The following ENTPD6 variants were observed in gnomAD, a reference collection of about 807,000 sequenced individuals.
The protein encoded by ENTPD6 is ectonucleoside triphosphate diphosphohydrolase 6, also known as CD39 antigen-like 2.
ENTPD6 carries 46 observed loss-of-function variants against 61.5 expected under a neutral mutation model. That is an observed-to-expected ratio of 0.75 (90% confidence interval 0.59 to 0.96). The LOEUF is 0.96. ENTPD6 is among the 40% of genes least tolerant of loss of function. The pLI is 0.00. For synonymous variants in ENTPD6, 252 were observed against 255.5 expected, an observed-to-expected ratio of 0.99 and a Z score of 0.13; for missense variants, 612 against 629.0, an observed-to-expected ratio of 0.97 and a Z score of 0.29.
At chr20:25,216,072 C>G (rs2092299481) in intron 7 of ENTPD6, among the ~76,000 whole-genome samples, 1 of 152,178 alleles carries the variant, frequency 6.6e-6, no homozygotes, top group African/African-American at 2.4e-5. Context: ...TGCTATTCAC[C>G]TTCTAATTGG....
chr20:25,218,184 T>C (rs1247865265), intron 9 of ENTPD6, among the ~76,000 whole-genome samples: 4 of 152,158 alleles, frequency 2.6e-5, no homozygotes, highest in Non-Finnish European at 5.9e-5. Flanking sequence ...TTGGAGAAGG[T>C]TTGAGAAGTG....
At chr20:25,221,822 C>T (rs933049209) in intron 11 of ENTPD6, 17 of 247,394 alleles carry the variant, frequency 6.9e-5, no homozygotes, top group Non-Finnish European at 1.6e-5. Flanking sequence ...ACTGGGCACT[C>T]GGCATGAGGG....
intron 1 of ENTPD6, among the ~76,000 whole-genome samples, chr20:25,201,436 G>A (rs2091023816): frequency 6.6e-6 from 1 of 152,008 alleles, no homozygotes; most frequent in African/African-American, 2.4e-5. Flanking sequence ...TATATTTAGG[G>A]GTTTTGATGT....
At chr20:25,213,911 C>G (rs2092147102) in intron 5 of ENTPD6, among the ~76,000 whole-genome samples, 1 of 152,212 alleles carries the variant, frequency 6.6e-6, no homozygotes, top group African/African-American at 2.4e-5. Flanking sequence ...GATTATGCCA[C>G]TGAACTCTAG....
chr20:25,196,105 G>A (rs1468685529), intron 1 of ENTPD6: 2 of 1,136,730 alleles, frequency 1.8e-6, no homozygotes, highest in African/African-American at 3.2e-5. Flanking sequence ...CAAATAGCAG[G>A]GGCCTGTAGC....
intron 3 of ENTPD6, among the ~76,000 whole-genome samples, chr20:25,208,957 C>T (rs1395099256): frequency 6.6e-6 from 1 of 151,928 alleles, no homozygotes; most frequent in African/African-American, 2.4e-5. Flanking sequence ...CGCTCTGCTG[C>T]CCAGGCTGGA....
intron 1 of ENTPD6, among the ~76,000 whole-genome samples, chr20:25,197,636 G>T (rs1396267237): frequency 6.6e-6 from 1 of 152,224 alleles, no homozygotes; most frequent in Admixed American, 6.5e-5. Flanking sequence ...TTGCTGTTTA[G>T]ATCTGGGACA....
At chr20:25,199,308 CCTT>C (rs2090829274) in intron 1 of ENTPD6, among the ~76,000 whole-genome samples, 2 of 152,184 alleles carry the variant, frequency 1.3e-5, no homozygotes, top group African/African-American at 4.8e-5. Flanking sequence ...TGATCTGTCT[CCTT>C]CGTTGAGAGA....
intron 9 of ENTPD6, 105 bp downstream of exon 9, chr20:25,217,686 C>T: frequency 1.0e-6 from 1 of 996,106 alleles, no homozygotes; most frequent in Non-Finnish European, 1.6e-6. Context: ...TCTGGGAATC[C>T]CTGTGCTGGG....
chr20:25,207,370 G>C lies in ENTPD6; in HGVS notation c.349G>C (p.Val117Leu). ...DAGSTGTRVH[V>L]FQFTRPPRET... is the part of the protein sequence containing the mutation. ...AGGAAGCACTGGCACCCGAGTACAC[G>C]TCTTCCAGTTCACCCGGCCCCCCAG... Residue 117 changes from valine to leucine, a missense_variant, in exon 3 of 15, where the codon GTC becomes CTC. Val to Leu is a conservative substitution (Grantham distance 32). Coordinates refer to ENST00000376652, the MANE Select transcript of ENTPD6 (RefSeq NM_001247.5). 1 of 1,541,856 alleles carries C rather than the reference G, an allele frequency of 6.5e-7. No individual in the cohort carries two copies. The highest frequency in any genetic ancestry group is 8.8e-7 in the Non-Finnish European group (1 of 1,139,610).
At chr20:25,222,694 TG>T in intron 11 of ENTPD6, 143 bp from the exon 12 acceptor site, 1 of 1,054,058 alleles carries the variant, frequency 9.5e-7, no homozygotes, top group Non-Finnish European at 1.4e-6. Context: ...AGCCCCAACT[TG>T]GGGTGGGGTC....
In ENTPD6 at chr20:25,226,064, C is replaced by G. The variant is rs940859224; in HGVS notation, c.*467C>G. The G allele has an allele frequency of 1.3e-5, 2 of 154,912 alleles. No homozygotes were observed. The highest frequency in any genetic ancestry group is 4.8e-5 in the African/African-American group (2 of 41,496). The allele number at this position is 154,912 out of a possible 1,614,324, so 9.6% of individuals were successfully genotyped here. Reference sequence around the variant, plus strand: ...GGCTGTCCTGGCTGCTCTGGGGAAGCCGAGGGACAGCCATAACACCCCCGG... The same window carrying G: ...GGCTGTCCTGGCTGCTCTGGGGAAGGCGAGGGACAGCCATAACACCCCCGG... On this transcript the variant is annotated 3_prime_UTR_variant, in exon 15 of 15. Coordinates refer to ENST00000376652, the MANE Select transcript of ENTPD6 (RefSeq NM_001247.5).
Position 25,195,714 on chromosome 20 carries a change from G to A in ENTPD6, c.-169G>A, listed in dbSNP as rs1465492309. 5 of 574,258 alleles carry A rather than the reference G, an allele frequency of 8.7e-6. No homozygotes were observed. The highest frequency in any genetic ancestry group is 3.9e-5 in the African/African-American group (2 of 51,608). The allele number at this position is 574,258 out of a possible 1,614,324, so 35.6% of individuals were successfully genotyped here. On this transcript the variant is annotated 5_prime_UTR_variant, in exon 1 of 15. Coordinates refer to ENST00000376652, the MANE Select transcript of ENTPD6 (RefSeq NM_001247.5). ...GCCTGTGACGCCACGTGCATGGGGC[G>A]GAGCCCAGGCCCTAGGGAATCGTGG...
Position 25,217,580 on chromosome 20 carries a change from A to T in ENTPD6, c.877A>T (p.Ser293Cys). The T allele has an allele frequency of 6.2e-7, 1 of 1,614,032 alleles. No homozygotes were observed. Among genetic ancestry groups the T allele is most frequent in the Non-Finnish European group, 8.5e-7 (1 of 1,179,928 alleles). ...CAGGACCTACAAGCTCTATTCCTAC[A>T]GGTCTGCTTTCGGGAACAGGCGTGG... Reference protein sequence around the residue: ...FNRTYKLYSYSYLGLGLMSAR... With the variant: ...FNRTYKLYSYCYLGLGLMSAR... Residue 293 changes from serine (S) to cysteine (C), a missense_variant and splice_region_variant, in exon 9 of 15, where the codon AGC becomes TGC. Transcript: ENST00000376652.
rs767321150 is a variant in ENTPD6 at position 25,222,867 on chromosome 20, A to G, written c.1075A>G (p.Arg359Gly). 1.9e-6 allele frequency: 3 copies of G among 1,614,116 alleles called. No individual in the cohort carries two copies. Among genetic ancestry groups the G allele is most frequent in the Non-Finnish European group, 2.5e-6 (3 of 1,180,020 alleles). ...AASLHELCAA[R>G]VSEVLQNRVH... Reference sequence around the variant, plus strand: ...AAGCCTGCACGAGCTGTGTGCTGCCAGAGTGTCAGAGGTCCTTCAAAACAG... The same window carrying G: ...AAGCCTGCACGAGCTGTGTGCTGCCGGAGTGTCAGAGGTCCTTCAAAACAG... Residue 359 changes from arginine to glycine, a missense_variant, in exon 12 of 15, where the codon AGA becomes GGA. Arg to Gly is a moderately radical substitution (Grantham distance 125). Transcript: ENST00000376652.
In ENTPD6 at chr20:25,207,135, G is replaced by T. The variant is rs752506812; in HGVS notation, c.114G>T (p.Leu38=). The change falls in exon 3 of 15, where the codon CTG becomes CTT. Residue 38 remains leucine (L), a synonymous_variant. Transcript: ENST00000376652. ...RMRKISNHGS[L]RVAKVAYPLG... ...GAAAAATATCCAACCACGGGAGCCT[G>T]CGGGTGGCGAAGGTGGCATACCCCC... The T allele has an allele frequency of 1.1e-5, 18 of 1,613,890 alleles. No homozygotes were observed. The South Asian group carries it at 2.0e-4, about 18-fold the overall frequency.
chr20:25,222,713 C>A, intron 11 of ENTPD6, 125 bp from the exon 12 acceptor site: 2 of 1,341,606 alleles, frequency 1.5e-6, no homozygotes, highest in Non-Finnish European at 2.0e-6. Flanking sequence ...GTCTTACAGG[C>A]TTCTGGACCT....
At chr20:25,211,013 A>C (rs957981121) in intron 4 of ENTPD6, among the ~76,000 whole-genome samples, 1 of 152,242 alleles carries the variant, frequency 6.6e-6, no homozygotes, top group Non-Finnish European at 1.5e-5. Context: ...ATTGTCAAAT[A>C]ATGATTTATG....
chr20:25,221,054 C>T (rs577468076), intron 10 of ENTPD6, among the ~76,000 whole-genome samples, 178 bp from the exon 11 acceptor site: 2 of 152,356 alleles, frequency 1.3e-5, no homozygotes, highest in African/African-American at 4.8e-5. Context: ...GGTGTGCTTC[C>T]TGGCCAACGA....
Sources: allele counts gnomAD v4.1 joint callset (sites outside exome capture counted in the v4.1 genomes callset), GRCh38; gene constraint gnomAD v4.1.1; transcripts MANE v1.5; gene names NCBI Gene and HGNC (gene_info 2026-07-23, HGNC 2026-07-21).